Variants in SRL observed in about 807,000 individuals in gnomAD.
SRL encodes the protein sarcalumenin.
Under a neutral mutation model 39.5 loss-of-function variants are expected in SRL, and 23 were observed. The observed-to-expected ratio is 0.58, with a 90% CI of 0.42 to 0.82. The LOEUF is 0.82. Ranked by LOEUF, SRL falls within the 40% of genes least tolerant of loss-of-function variation. The pLI, the probability that SRL is intolerant of heterozygous loss-of-function variation, is 0.00. For missense variants in SRL, 592 were observed against 607.8 expected (o/e 0.97, Z 0.27); for synonymous variants, 272 against 237.4 (o/e 1.15, Z -1.34).
intron 1 of SRL, among the ~76,000 whole-genome samples, chr16:4,240,494 G>A (rs765874695): frequency 2.2e-4 from 33 of 152,150 alleles, no homozygotes; most frequent in Non-Finnish European, 3.8e-4. Context: ...CAGGGACAGA[G>A]GGAAGCTTTA....
At chr16:4,221,256 C>G (rs574683069) in intron 1 of SRL, among the ~76,000 whole-genome samples, 1 of 152,220 alleles carries the variant, frequency 6.6e-6, no homozygotes, top group South Asian at 2.1e-4. Flanking sequence ...ACCATGTTAG[C>G]CAGGATGGTC....
chr16:4,208,043 G>T (rs146498204), intron 1 of SRL: 1 of 455,972 alleles, frequency 2.2e-6, no homozygotes, highest in African/African-American at 2.0e-5. Context: ...CTCCAGCAGA[G>T]AAATGATTCT....
intron 1 of SRL, among the ~76,000 whole-genome samples, chr16:4,224,174 G>A (rs1321982324): frequency 2.0e-5 from 3 of 152,142 alleles, no homozygotes; most frequent in African/African-American, 7.2e-5. Context: ...AAAGATCAGT[G>A]TTAGGAGCCC....
intron 1 of SRL, among the ~76,000 whole-genome samples, chr16:4,224,049 A>G (rs1165068953): frequency 6.6e-6 from 1 of 152,002 alleles, no homozygotes; most frequent in Non-Finnish European, 1.5e-5. Flanking sequence ...AGCAACTACC[A>G]TGGATGGAAC....
rs2052056536 is a variant in SRL at position 4,191,089 on chromosome 16, C to T, written c.*1064G>A. 1 of 152,306 alleles carries T rather than the reference C, an allele frequency of 6.6e-6. No individual in the cohort carries two copies. The highest frequency in any genetic ancestry group is 2.1e-4 in the South Asian group (1 of 4,832). The allele number at this position is 152,306 out of a possible 1,614,324, so 9.4% of individuals were successfully genotyped here. ...CCTCTGAGCCCTTCCACGACCTTCACTACAGTCACTTCCAAGAGTAAATTA... is the reference window on the plus strand; with the variant it reads ...CCTCTGAGCCCTTCCACGACCTTCATTACAGTCACTTCCAAGAGTAAATTA... On this transcript the variant is annotated 3_prime_UTR_variant, in exon 6 of 6. Coordinates refer to ENST00000399609, the MANE Select transcript of SRL (RefSeq NM_001098814.2).
chr16:4,196,544 T>A (rs1288676746), intron 4 of SRL, among the ~76,000 whole-genome samples: 1 of 148,352 alleles, frequency 6.7e-6, no homozygotes, highest in Non-Finnish European at 1.5e-5. Flanking sequence ...TGCAGTGGCA[T>A]GATCTCAGCT....
chr16:4,239,932 G>T (rs2033588098), intron 1 of SRL, among the ~76,000 whole-genome samples: 1 of 150,566 alleles, frequency 6.6e-6, no homozygotes. Flanking sequence ...TCGGGAGGTG[G>T]AAACCGGGTA....
chr16:4,200,414 G>A (rs1051737883), intron 3 of SRL, among the ~76,000 whole-genome samples: 1 of 152,294 alleles, frequency 6.6e-6, no homozygotes, highest in Admixed American at 6.5e-5. Flanking sequence ...ACAGCAGGGG[G>A]CACCGCTGGC....
intron 3 of SRL, among the ~76,000 whole-genome samples, chr16:4,200,317 C>T (rs1351629832): frequency 6.6e-6 from 1 of 152,202 alleles, no homozygotes; most frequent in Admixed American, 6.5e-5. Flanking sequence ...CCGGCCCAGG[C>T]GACACCAAGG....
intron 1 of SRL, among the ~76,000 whole-genome samples, chr16:4,228,132 G>A (rs904312395): frequency 6.6e-6 from 1 of 152,226 alleles, no homozygotes; most frequent in South Asian, 2.1e-4. Context: ...CTGACCATTG[G>A]TGGCCACTTC....
intron 1 of SRL, among the ~76,000 whole-genome samples, chr16:4,241,784 C>T (rs557541276): frequency 1.3e-5 from 2 of 152,244 alleles, no homozygotes; most frequent in African/African-American, 4.8e-5. Flanking sequence ...TTCCCACTTC[C>T]TCTGGCCTTC....
intron 1 of SRL, among the ~76,000 whole-genome samples, chr16:4,216,139 A>ATT (rs1175863252): frequency 6.6e-6 from 1 of 152,182 alleles, no homozygotes; most frequent in Non-Finnish European, 1.5e-5. Context: ...AATTCCTGGG[A>ATT]ATTCTTGGTT....
chr16:4,215,967 T>C (rs187337155), intron 1 of SRL, among the ~76,000 whole-genome samples: 80 of 152,174 alleles, frequency 5.3e-4, no homozygotes, highest in Admixed American at 1.3e-3. Flanking sequence ...GCCTAGGAGT[T>C]TGAAGTTGCA....
At chr16:4,204,219 A>G (rs1449387013) in intron 2 of SRL, among the ~76,000 whole-genome samples, 1 of 152,192 alleles carries the variant, frequency 6.6e-6, no homozygotes, top group African/African-American at 2.4e-5. Flanking sequence ...ACAGCGAGGG[A>G]GATGGCATCA....
rs1016556131 is a variant in SRL at position 4,190,236 on chromosome 16, C to T, written c.*1917G>A. On this transcript the variant is annotated 3_prime_UTR_variant, in exon 6 of 6. Coordinates refer to ENST00000399609, the MANE Select transcript of SRL (RefSeq NM_001098814.2). ...AACCGGGAATTCCTAACTCGAGGTT[C>T]TCCTCATAGACCTAACCTGACTGCC... 1.5e-5 allele frequency: 6 copies of T among 398,698 alleles called. No individual in the cohort carries two copies. Among genetic ancestry groups the T allele is most frequent in the Non-Finnish European group, 2.2e-5 (5 of 226,244 alleles). The allele number at this position is 398,698 out of a possible 1,614,324, so 24.7% of individuals were successfully genotyped here.
chr16:4,222,260 T>C (rs937050944), intron 1 of SRL, among the ~76,000 whole-genome samples: 9 of 152,184 alleles, frequency 5.9e-5, no homozygotes, highest in African/African-American at 1.4e-4. Flanking sequence ...CTGTCACCTA[T>C]GTGACATCAC....
chr16:4,197,953 C>A (rs2052171730), intron 3 of SRL, 38 bp from the exon 4 acceptor site: 1 of 1,381,016 alleles, frequency 7.2e-7, no homozygotes, highest in Admixed American at 1.7e-5. Flanking sequence ...ATAAAACTAA[C>A]AAAAGTTCAC....
At chr16:4,231,506 A>G (rs1016873744) in intron 1 of SRL, among the ~76,000 whole-genome samples, 1 of 152,120 alleles carries the variant, frequency 6.6e-6, no homozygotes, top group Admixed American at 6.6e-5. Flanking sequence ...CCTGGGGCCC[A>G]CATGCTCTGA....
intron 5 of SRL, among the ~76,000 whole-genome samples, chr16:4,193,484 T>A (rs2052095313): frequency 6.6e-6 from 1 of 152,204 alleles, no homozygotes; most frequent in Non-Finnish European, 1.5e-5. Context: ...CATGAAAGAA[T>A]GAATGCATTA....
Sources: gnomAD v4.1 joint callset for allele counts (sites outside exome capture counted in the v4.1 genomes callset) on GRCh38, gnomAD v4.1.1 for gene constraint, MANE v1.5 for transcripts, NCBI Gene and HGNC (gene_info 2026-07-23, HGNC 2026-07-21) for gene names.